The following ZFYVE28 variants were observed in gnomAD, a reference collection of about 807,000 sequenced individuals.
ZFYVE28 encodes zinc finger FYVE-type containing 28.
ZFYVE28 carries 40 observed loss-of-function variants against 82.1 expected under a neutral mutation model. That is an observed-to-expected ratio of 0.49 (90% confidence interval 0.38 to 0.63). ZFYVE28 has a LOEUF of 0.63. Among genes scored for constraint, ZFYVE28 ranks in the 30% least tolerant of loss-of-function variants. The pLI, the probability that ZFYVE28 is intolerant of heterozygous loss-of-function variation, is 0.00. For synonymous variants in ZFYVE28, 612 were observed against 546.1 expected (o/e 1.12, Z -1.68); for missense variants, 1,321 against 1,242.1 (o/e 1.06, Z -0.96).
chr4:2,301,927 G>A (rs1218969892), intron 8 of ZFYVE28, among the ~76,000 whole-genome samples: 6 of 152,182 alleles, frequency 3.9e-5, no homozygotes, highest in African/African-American at 1.4e-4. Flanking sequence ...GCTGTTCATC[G>A]TGGCACGTCT....
rs571124642 is a variant in ZFYVE28 at position 2,372,718 on chromosome 4, C to T, written c.40-18645G>A. On this transcript the variant is annotated intron_variant, in intron 1 of 12. Coordinates refer to ENST00000290974, the MANE Select transcript of ZFYVE28 (RefSeq NM_020972.3). The surrounding 1 kb of genome is among the most constrained non-coding windows in gnomAD (Gnocchi z 5.2). ...GGCAGGGGCAGGCACTCCAGGGCTT[C>T]GCTGATTGTGTCAGTTAAACTCCGA... Among the ~76,000 whole-genome samples, 12 of 152,234 alleles carry T rather than the reference C, an allele frequency of 7.9e-5. No individual in the cohort carries two copies. The highest frequency in any genetic ancestry group is 2.6e-4 in the African/African-American group (11 of 41,550).
rs1421661423 is a variant in ZFYVE28 at position 2,269,931 on chromosome 4, G to A, written c.*794C>T. The A allele has an allele frequency of 2.6e-5, 4 of 152,334 alleles. No homozygotes were observed. The highest frequency in any genetic ancestry group is 4.4e-5 in the Non-Finnish European group (3 of 68,142). The allele number at this position is 152,334 out of a possible 1,614,324, so 9.4% of individuals were successfully genotyped here. On this transcript the variant is annotated 3_prime_UTR_variant, in exon 13 of 13. Coordinates refer to ENST00000290974, the MANE Select transcript of ZFYVE28 (RefSeq NM_020972.3). ...GAATTGGGCCAGGGTTCCAGAGGGT[G>A]CAGAGGGAAGGGGAAGTGGTAGCTG... is the stretch of plus-strand genomic sequence containing the variant.
chr4:2,325,834 C>T (rs1719784370), intron 6 of ZFYVE28, among the ~76,000 whole-genome samples: 1 of 152,092 alleles, frequency 6.6e-6, no homozygotes, highest in Non-Finnish European at 1.5e-5. Flanking sequence ...CTCAAGCAAT[C>T]CTCTTGCCTC....
Position 2,304,676 on chromosome 4 carries a change from C to T in ZFYVE28, c.1664G>A (p.Gly555Glu), listed in dbSNP as rs773120296. The stretch of plus-strand genomic sequence containing the variant: ...GGAATGCAGAAGGCAGTTGGTGGCC[C>T]CAGTGCTAAGCTTGTGGGGGCCGCC... ...MDGGPHKLST[G>E]ATNCLLHSCV... Residue 555 changes from glycine to glutamate, a missense_variant, in exon 8 of 13, where the codon GGG (glycine) becomes GAG (glutamate). By Grantham distance (98) the Gly-to-Glu change is moderately conservative. Transcript: ENST00000290974. 5.0e-6 allele frequency: 8 copies of T among 1,612,490 alleles called. No homozygotes were observed. Among genetic ancestry groups the T allele is most frequent in the East Asian group, 4.5e-5 (2 of 44,890 alleles).
chr4:2,376,483 G>A (rs1374797894), intron 1 of ZFYVE28, among the ~76,000 whole-genome samples: 1 of 151,928 alleles, frequency 6.6e-6, no homozygotes, highest in Admixed American at 6.6e-5. Flanking sequence ...AAAGGAAGGG[G>A]GTTTAACTGA....
Position 2,341,600 on chromosome 4 carries a change from T to C in ZFYVE28, c.196A>G (p.Ile66Val). 6.2e-7 allele frequency: 1 copy of C among 1,609,256 alleles called. No homozygotes were observed. The highest frequency in any genetic ancestry group is 8.5e-7 in the Non-Finnish European group (1 of 1,175,970). ...FRSCQDNVLN[I>V]INQIMDECIP... The stretch of plus-strand genomic sequence containing the variant: ...CACTCATCCATGATCTGGTTAATGA[T>C]GTTCAACACATTGTCCTGAAACAGA... Residue 66 changes from isoleucine (I) to valine (V), a missense_variant, in exon 3 of 13, where the codon ATC becomes GTC. This residue lies in a region of ZFYVE28 where 343 missense variants were observed against 408.4 expected (regional missense o/e 0.84). Transcript: ENST00000290974. The surrounding 1 kb of genome is among the most constrained non-coding windows in gnomAD (Gnocchi z 4.5).
At chr4:2,293,683 G>A (rs1232483108) in intron 8 of ZFYVE28, among the ~76,000 whole-genome samples, 1 of 145,910 alleles carries the variant, frequency 6.9e-6, no homozygotes, top group East Asian at 2.0e-4. Context: ...AACCCAGGAG[G>A]CAGAGCTTGC....
At chr4:2,337,003 A>AGTAAGGAGGTGAGGAATGATGAGGTGAGG (rs1307928957) in intron 5 of ZFYVE28, among the ~76,000 whole-genome samples, 1 of 129,642 alleles carries the variant, frequency 7.7e-6, no homozygotes, top group African/African-American at 2.9e-5. Flanking sequence ...GGAGGTGGGG[A>AGTAAGGAGGTGAGGAATGATGAGGTGAGG]AGTGAGGAGG....
At chr4:2,415,258 A>G (rs892537530) in intron 1 of ZFYVE28, among the ~76,000 whole-genome samples, 1 of 152,220 alleles carries the variant, frequency 6.6e-6, no homozygotes, top group African/African-American at 2.4e-5. Flanking sequence ...TGCTTTTTAT[A>G]ACTATAAGAA....
chr4:2,335,252 C>G lies in ZFYVE28; in HGVS notation c.701+453G>C, dbSNP rs959929453. The stretch of plus-strand genomic sequence containing the variant: ...CCAATGTGCTTCACCTCCCTGCCAG[C>G]CCCCAAATTATTCAAACAAGCCAAT... On this transcript the variant is annotated intron_variant, in intron 6 of 12. Coordinates refer to ENST00000290974, the MANE Select transcript of ZFYVE28 (RefSeq NM_020972.3). The surrounding 1 kb of genome is among the most constrained non-coding windows in gnomAD (Gnocchi z 5.8). Among the ~76,000 whole-genome samples the G allele has an allele frequency of 2.6e-5, 4 of 152,036 alleles. No homozygotes were observed. Among genetic ancestry groups the G allele is most frequent in the African/African-American group, 9.7e-5 (4 of 41,388 alleles).
At chr4:2,279,680 C>G (rs1239705136) in intron 8 of ZFYVE28, among the ~76,000 whole-genome samples, 2 of 150,354 alleles carry the variant, frequency 1.3e-5, no homozygotes, top group Admixed American at 6.6e-5. Flanking sequence ...ACTCAGGAGG[C>G]TGAGGCAGAA....
At chr4:2,398,952 AG>A (rs1338393571) in intron 1 of ZFYVE28, among the ~76,000 whole-genome samples, 3 of 130,204 alleles carry the variant, frequency 2.3e-5, no homozygotes, top group Non-Finnish European at 4.9e-5. Context: ...CGAGGGCACA[AG>A]GGGGGTGTGA....
intron 1 of ZFYVE28, among the ~76,000 whole-genome samples, chr4:2,361,591 G>A (rs1578251022): frequency 6.6e-6 from 1 of 152,276 alleles, no homozygotes; most frequent in African/African-American, 2.4e-5. Context: ...TCCAAGCCCT[G>A]CACAGGGCAC....
chr4:2,406,262 C>T (rs571349476), intron 1 of ZFYVE28, among the ~76,000 whole-genome samples: 6 of 151,218 alleles, frequency 4.0e-5, no homozygotes, highest in Non-Finnish European at 7.4e-5. Context: ...ATCCCAGCTA[C>T]TCGAGAGGCT....
chr4:2,282,580 A>G (rs896359671), intron 8 of ZFYVE28, among the ~76,000 whole-genome samples: 4 of 152,242 alleles, frequency 2.6e-5, no homozygotes, highest in Non-Finnish European at 5.9e-5. Flanking sequence ...TCCAATTACT[A>G]TGGAAAAGAA....
At chr4:2,328,781 C>G (rs1479932846) in intron 6 of ZFYVE28, 1 of 232,060 alleles carries the variant, frequency 4.3e-6, no homozygotes, top group African/African-American at 2.3e-5. Context: ...ATGAAGTTAA[C>G]CATCGCAGGG....
rs1435449423 is a variant in ZFYVE28 at position 2,330,534 on chromosome 4, G to A, written c.701+5171C>T. ...CAGGGGAGAGGACATTGCAGAGGAA[G>A]GGACAGCATGGAGGAGGGGACAGCA... On this transcript the variant is annotated intron_variant, in intron 6 of 12. Transcript: ENST00000290974. 23 of 1,159,964 alleles carry A rather than the reference G, an allele frequency of 2.0e-5. 1 individual carries two copies. The highest frequency in any genetic ancestry group is 2.4e-5 in the Non-Finnish European group (22 of 932,418). The allele number at this position is 1,159,964 out of a possible 1,614,324, so 71.9% of individuals were successfully genotyped here.
intron 5 of ZFYVE28, 65 bp downstream of exon 5, chr4:2,337,342 G>C: frequency 7.0e-7 from 1 of 1,438,270 alleles, no homozygotes; most frequent in Non-Finnish European, 9.4e-7. Flanking sequence ...CCTCTGCCCC[G>C]GGCCTGGAGT....
intron 8 of ZFYVE28, among the ~76,000 whole-genome samples, chr4:2,292,936 C>T (rs1223966264): frequency 1.3e-5 from 2 of 152,198 alleles, no homozygotes; most frequent in East Asian, 3.8e-4. Flanking sequence ...AAGGCTAATA[C>T]CTCATGACCA....
Sources: allele counts gnomAD v4.1 joint callset (sites outside exome capture counted in the v4.1 genomes callset), GRCh38; gene constraint gnomAD v4.1.1; regional missense constraint gnomAD v4.1.1; non-coding constraint Gnocchi (gnomAD v3.1); transcripts MANE v1.5; gene names NCBI Gene and HGNC (gene_info 2026-07-23, HGNC 2026-07-21).